The following MGAT4C variants were observed in gnomAD, a reference collection of about 807,000 sequenced individuals.
MGAT4C encodes the protein alpha-1,3-mannosyl-glycoprotein 4-beta-N-acetylglucosaminyltransferase C.
A neutral mutation model predicts 40.1 loss-of-function variants in MGAT4C; 19 were observed. That is an observed-to-expected ratio of 0.47 (90% CI 0.33 to 0.70). The LOEUF is 0.70. Among genes scored for constraint, MGAT4C ranks in the 30% least tolerant of loss-of-function variants. MGAT4C has a pLI of 0.02. For missense variants in MGAT4C, 491 were observed against 563.2 expected (o/e 0.87, Z 1.30); for synonymous variants, 181 against 187.1 (o/e 0.97, Z 0.27).
chr12:86,097,268 A>G (rs1874105173), intron 1 of MGAT4C, among the ~76,000 whole-genome samples: 1 of 151,630 alleles, frequency 6.6e-6, no homozygotes, highest in Admixed American at 6.6e-5. Flanking sequence ...AGAACCATTG[A>G]TAAGAGGAAA....
intron 2 of MGAT4C, among the ~76,000 whole-genome samples, chr12:86,703,264 T>A (rs1317699001): frequency 1.3e-5 from 2 of 152,194 alleles, no homozygotes; most frequent in Non-Finnish European, 2.9e-5. Flanking sequence ...AGAATAAACA[T>A]AATTGATAAA....
chr12:86,746,657 A>C (rs1012807968), intron 1 of MGAT4C, among the ~76,000 whole-genome samples: 2 of 151,570 alleles, frequency 1.3e-5, no homozygotes, highest in African/African-American at 4.8e-5. Flanking sequence ...ATTTTCTCTT[A>C]CAATAATCAT....
intron 2 of MGAT4C, among the ~76,000 whole-genome samples, chr12:85,993,374 C>T (rs1030711630): frequency 1.3e-5 from 2 of 152,228 alleles, no homozygotes; most frequent in African/African-American, 4.8e-5. Flanking sequence ...CATTGGAGGA[C>T]AAAATGAGCC....
At chr12:86,530,238 T>C (rs1300242690) in intron 2 of MGAT4C, among the ~76,000 whole-genome samples, 2 of 151,972 alleles carry the variant, frequency 1.3e-5, no homozygotes, top group Admixed American at 1.3e-4. Flanking sequence ...CTTATAATCC[T>C]TGGCATTAGC....
At chr12:86,429,873 T>G (rs1956999849) in intron 3 of MGAT4C, among the ~76,000 whole-genome samples, 1 of 152,144 alleles carries the variant, frequency 6.6e-6, no homozygotes, top group Admixed American at 6.5e-5. Flanking sequence ...TTTCTGGCCT[T>G]TATTATTATT....
chr12:86,598,120 T>A (rs759252985), intron 2 of MGAT4C, among the ~76,000 whole-genome samples: 42 of 152,200 alleles, frequency 2.8e-4, no homozygotes, highest in African/African-American at 9.9e-4. Context: ...TGTTTATATA[T>A]GTTTAGATAC....
chr12:86,139,652 A>G (rs899584665), intron 1 of MGAT4C, among the ~76,000 whole-genome samples: 1 of 152,124 alleles, frequency 6.6e-6, no homozygotes, highest in Non-Finnish European at 1.5e-5. Flanking sequence ...ATTTACAATT[A>G]TAAAAAGGCA....
chr12:86,779,497 G>T (rs1274064735), intron 1 of MGAT4C, among the ~76,000 whole-genome samples: 1 of 152,074 alleles, frequency 6.6e-6, no homozygotes, highest in South Asian at 2.1e-4. Context: ...AGATACTGGG[G>T]AAGTGGAGGT....
In MGAT4C at chr12:86,744,607, T is replaced by TAA. The variant is rs11418542; in HGVS notation, c.-261-17368_-261-17367dup. ...GCTCTCAGCACTTCTCATAATGAGG[T>TAA]AAAAAAAAAATCACAAGTGATTTAG... On this transcript the variant is annotated intron_variant, in intron 1 of 7. Coordinates refer to the MGAT4C transcript ENST00000548651. Among the ~76,000 whole-genome samples the TAA allele has an allele frequency of 6.4e-4, 96 of 149,766 alleles. 1 individual carries two copies. The highest frequency in any genetic ancestry group is 1.5e-3 in the South Asian group (7 of 4,744).
rs138506947 is a variant in MGAT4C at position 85,982,842 on chromosome 12, G to A, written c.295+681C>T. Among the ~76,000 whole-genome samples, 1,330 of 152,224 alleles carry A rather than the reference G, an allele frequency of 8.7e-3. 11 individuals are homozygous for A. Among genetic ancestry groups the A allele is most frequent in the Non-Finnish European group, 0.015 (1,049 of 68,010 alleles). ...ATGTGGACCATAAATTCAATAACTT[G>A]TGTCCTTATAAAAAGAGGAAAAGAC... is the stretch of plus-strand genomic sequence containing the variant. On this transcript the variant is annotated intron_variant, in intron 4 of 4. Transcript: ENST00000611864.
At chr12:86,178,797 T>G (rs1456713684) in intron 1 of MGAT4C, among the ~76,000 whole-genome samples, 1 of 152,174 alleles carries the variant, frequency 6.6e-6, no homozygotes, top group Non-Finnish European at 1.5e-5. Flanking sequence ...AGCTTTTTAA[T>G]TTTTTGGCCA....
intron 2 of MGAT4C, among the ~76,000 whole-genome samples, chr12:86,641,105 A>G (rs1003266088): frequency 2.0e-5 from 3 of 151,866 alleles, no homozygotes; most frequent in Non-Finnish European, 4.4e-5. Context: ...AATAGCAAAG[A>G]CTTGGAACCA....
At chr12:86,076,676 C>T (rs1869789525) in intron 1 of MGAT4C, among the ~76,000 whole-genome samples, 1 of 152,046 alleles carries the variant, frequency 6.6e-6, no homozygotes, top group African/African-American at 2.4e-5. Context: ...AAGCGGAAAC[C>T]CCTGATAAAC....
At chr12:86,017,861 G>T (rs528768328) in intron 2 of MGAT4C, among the ~76,000 whole-genome samples, 55 of 152,212 alleles carry the variant, frequency 3.6e-4, no homozygotes, top group African/African-American at 1.3e-3. Flanking sequence ...GCTCATGAAG[G>T]CAGATAAAGT....
At chr12:86,074,820 C>T (rs1055252526) in intron 1 of MGAT4C, among the ~76,000 whole-genome samples, 6 of 152,042 alleles carry the variant, frequency 3.9e-5, no homozygotes, top group African/African-American at 9.7e-5. Context: ...CATCAGATCT[C>T]GTGAGACTTA....
chr12:86,711,475 AAT>A (rs1178361103), intron 2 of MGAT4C, among the ~76,000 whole-genome samples: 1 of 152,164 alleles, frequency 6.6e-6, no homozygotes, highest in Non-Finnish European at 1.5e-5. Context: ...TAGTTTTGGA[AAT>A]AATCACAAAT....
chr12:86,010,590 A>T (rs1249267554), intron 2 of MGAT4C, among the ~76,000 whole-genome samples: 1 of 152,216 alleles, frequency 6.6e-6, no homozygotes, highest in Non-Finnish European at 1.5e-5. Context: ...AGACAGGAGA[A>T]TTGCTTGAAA....
rs1212971753 is a variant in MGAT4C at position 85,957,826 on chromosome 12, ATAAT to A, written c.*21459_*21462del. 1 of 132,564 alleles carries A rather than the reference ATAAT, an allele frequency of 7.5e-6. No homozygotes were observed. Among genetic ancestry groups the A allele is most frequent in the Non-Finnish European group, 1.8e-5 (1 of 56,108 alleles). 8.2% of individuals were successfully genotyped at this position (132,564 alleles called of 1,614,324 possible). A position where few individuals can be genotyped will look rare whatever the true frequency, so the allele number is the denominator to read the frequency against. ...ATTTAATAATAGTTTAAGATATTAA[ATAAT>A]TAAATAGGTAATGGGAACCACCTTT... is the stretch of plus-strand genomic sequence containing the variant. On this transcript the variant is annotated 3_prime_UTR_variant, in exon 5 of 5. Coordinates refer to ENST00000611864, the MANE Select transcript of MGAT4C (RefSeq NM_001351288.2).
At position 86,806,449 on chromosome 12, in the gene MGAT4C, T is replaced by TGTGTGTGAGA. The variant is rs5799800; in HGVS notation, c.-262+32216_-262+32217insTCTCACACAC. On this transcript the variant is annotated intron_variant, in intron 1 of 7. Transcript: ENST00000548651. ...TTACATCTGTGTGTGTGTGTGTGTG[T>TGTGTGTGAGA]GAGAGAGAGAGTATATGTGTGTTTA... Among the ~76,000 whole-genome samples the TGTGTGTGAGA allele has an allele frequency of 1.8e-3, 275 of 150,064 alleles. 1 individual carries two copies. Among genetic ancestry groups the TGTGTGTGAGA allele is most frequent in the Middle Eastern group, 6.9e-3 (2 of 290 alleles).
Sources: gnomAD v4.1 joint callset for allele counts (sites outside exome capture counted in the v4.1 genomes callset) on GRCh38, gnomAD v4.1.1 for gene constraint, MANE v1.5 for transcripts, NCBI Gene and HGNC (gene_info 2026-07-23, HGNC 2026-07-21) for gene names.